The following WIPF3 variants were observed in gnomAD, a reference collection of about 807,000 sequenced individuals.
The protein encoded by WIPF3 is WAS/WASL interacting protein family member 3, also known as WAS/WASL-interacting protein family member 3.
In WIPF3, 33 loss-of-function variants were observed where a neutral mutation model predicts 38.9. The observed-to-expected ratio is 0.85, with a 90% CI of 0.64 to 1.14. The LOEUF (loss-of-function observed/expected upper bound fraction) is 1.14. Among genes scored for constraint, WIPF3 ranks in the 50% most tolerant of loss-of-function variants. WIPF3 has a pLI of 0.00. For missense variants in WIPF3, 711 were observed against 652.5 expected (o/e 1.09, Z -0.98); for synonymous variants, 324 against 269.3 (o/e 1.20, Z -1.99).
intron 5 of WIPF3, among the ~76,000 whole-genome samples, chr7:29,887,141 A>G (rs939679815): frequency 2.0e-5 from 3 of 152,208 alleles, no homozygotes; most frequent in Non-Finnish European, 4.4e-5. Flanking sequence ...AGTGAGCCCA[A>G]GGCCAGGATG....
At chr7:29,848,855 C>A (rs1004576013) in intron 2 of WIPF3, among the ~76,000 whole-genome samples, 1 of 151,816 alleles carries the variant, frequency 6.6e-6, no homozygotes, top group African/African-American at 2.4e-5. Context: ...GATGATGATG[C>A]CTGGAGGCTC....
chr7:29,817,837 T>A (rs1325634764), intron 1 of WIPF3, among the ~76,000 whole-genome samples: 1 of 152,150 alleles, frequency 6.6e-6, no homozygotes, highest in Non-Finnish European at 1.5e-5. Flanking sequence ...AGCAAACAAG[T>A]TAGTATTTTC....
intron 8 of WIPF3, among the ~76,000 whole-genome samples, chr7:29,906,498 GA>G (rs1430163909): frequency 5.3e-5 from 8 of 151,698 alleles, no homozygotes; most frequent in South Asian, 2.1e-4. Flanking sequence ...AGAACAGAAA[GA>G]AAAAAAATTA....
rs531512349 is a variant in WIPF3, at chr7:29,824,551, A to T, written c.-57-10117A>T. Among the ~76,000 whole-genome samples, 879 of 121,772 alleles carry T rather than the reference A, an allele frequency of 7.2e-3. 8 individuals are homozygous for T. The highest frequency in any genetic ancestry group is 0.019 in the African/African-American group (562 of 29,932). 79.9% of individuals were successfully genotyped at this position (121,772 alleles called of 152,430 possible). A position where few individuals can be genotyped will look rare whatever the true frequency, so the allele number is the denominator to read the frequency against. On this transcript the variant is annotated intron_variant, in intron 1 of 8. Transcript: ENST00000242140. Reference sequence around the variant, plus strand: ...TGGGCAGACTTAGAGATGTATTTTTAAAAAAAAAAAAAAGAAAAAAAAGGA... The same window carrying T: ...TGGGCAGACTTAGAGATGTATTTTTTAAAAAAAAAAAAAGAAAAAAAAGGA...
chr7:29,913,153 C>A (rs1391951830), intron 8 of WIPF3, among the ~76,000 whole-genome samples: 4 of 152,092 alleles, frequency 2.6e-5, no homozygotes, highest in Non-Finnish European at 2.9e-5. Context: ...TCGAGACCAG[C>A]CTGACCAACA....
chr7:29,914,411 G>GT (rs1223499766), intron 8 of WIPF3, 82 bp from the exon 9 acceptor site: 5 of 1,198,124 alleles, frequency 4.2e-6, no homozygotes, highest in South Asian at 2.0e-5. Context: ...GGCCCAGCCT[G>GT]TTTGGGGGGG....
chr7:29,915,571 C>G lies in WIPF3; in HGVS notation c.*1055C>G, dbSNP rs1385557198. ...AGCTCCCTTCTGAGCTAAAGGAGAA[C>G]CTTGCCTGACAACTCCACATTCATT... On this transcript the variant is annotated 3_prime_UTR_variant, in exon 9 of 9. Transcript: ENST00000242140. 6.6e-6 allele frequency: 1 copy of G among 152,222 alleles called. No individual in the cohort carries two copies. Among genetic ancestry groups the G allele is most frequent in the East Asian group, 1.9e-4 (1 of 5,190 alleles). 9.4% of individuals were successfully genotyped at this position (152,222 alleles called of 1,614,324 possible). A position where few individuals can be genotyped will look rare whatever the true frequency, so the allele number is the denominator to read the frequency against.
intron 2 of WIPF3, among the ~76,000 whole-genome samples, chr7:29,867,500 TTTA>T (rs1287309343): frequency 2.0e-5 from 3 of 152,020 alleles, no homozygotes; most frequent in African/African-American, 7.2e-5. Flanking sequence ...CTAGGTATTA[TTTA>T]TTAGTTATTC....
At chr7:29,908,785 G>A (rs772953489) in intron 8 of WIPF3, among the ~76,000 whole-genome samples, 39 of 152,050 alleles carry the variant, frequency 2.6e-4, no homozygotes, top group Non-Finnish European at 3.5e-4. Flanking sequence ...GTGGGCACGT[G>A]TAGTCCCAGC....
At chr7:29,889,803 G>A (rs1052226029) in intron 7 of WIPF3, among the ~76,000 whole-genome samples, 2 of 152,162 alleles carry the variant, frequency 1.3e-5, no homozygotes, top group African/African-American at 2.4e-5. Context: ...GTGACATGGA[G>A]AATGTCCTCA....
At chr7:29,820,935 G>T (rs1784528323) in intron 1 of WIPF3, among the ~76,000 whole-genome samples, 1 of 152,092 alleles carries the variant, frequency 6.6e-6, no homozygotes, top group East Asian at 1.9e-4. Context: ...TTTCCATTTT[G>T]CCATGATTAA....
At chr7:29,870,263 A>G (rs1475312982) in intron 2 of WIPF3, among the ~76,000 whole-genome samples, 1 of 152,200 alleles carries the variant, frequency 6.6e-6, no homozygotes, top group East Asian at 1.9e-4. Context: ...CTCAGGATTC[A>G]ATTCAAATGG....
chr7:29,911,672 T>C (rs570875498), intron 8 of WIPF3, among the ~76,000 whole-genome samples: 14 of 152,206 alleles, frequency 9.2e-5, no homozygotes, highest in African/African-American at 2.6e-4. Flanking sequence ...GCCAAGACCA[T>C]TCAATAGGGA....
chr7:29,838,067 C>T (rs1003729854), intron 2 of WIPF3, among the ~76,000 whole-genome samples: 22 of 152,202 alleles, frequency 1.4e-4, no homozygotes, highest in East Asian at 1.2e-3. Flanking sequence ...TACAGGTGCC[C>T]GCCACCACGC....
intron 1 of WIPF3, among the ~76,000 whole-genome samples, chr7:29,833,690 T>C (rs1197337814): frequency 2.0e-5 from 3 of 152,150 alleles, no homozygotes; most frequent in East Asian, 1.9e-4. Context: ...TGAAAAAACA[T>C]AGGGACAGGC....
intron 7 of WIPF3, among the ~76,000 whole-genome samples, chr7:29,901,564 G>A (rs1786276704): frequency 6.6e-6 from 1 of 151,736 alleles, no homozygotes; most frequent in African/African-American, 2.4e-5. Flanking sequence ...GCTGAGGTGG[G>A]CGGATCGCTT....
rs1235366947 is a variant in WIPF3 at position 29,889,371 on chromosome 7, C to A, written c.1315C>A (p.Pro439Thr). ...CTTTCCCCCTCCGGATGAATATAAA[C>A]CATGCCAGAAGATTTACCCCAGCAA... ...EDFPPPDEYK[P>T]CQKIYPSKIP... The change falls in exon 7 of 9, where the codon CCA (proline) becomes ACA (threonine). Residue 439 changes from proline to threonine, a missense_variant. By Grantham distance (38) the Pro-to-Thr change is conservative (BLOSUM62 -1). Coordinates refer to ENST00000242140, the MANE Select transcript of WIPF3 (RefSeq NM_001080529.3). 1 of 1,613,900 alleles carries A rather than the reference C, an allele frequency of 6.2e-7. No individual in the cohort carries two copies. The highest frequency in any genetic ancestry group is 8.5e-7 in the Non-Finnish European group (1 of 1,179,824).
intron 7 of WIPF3, among the ~76,000 whole-genome samples, chr7:29,893,918 A>T (rs1255460145): frequency 2.6e-5 from 4 of 152,248 alleles, no homozygotes. Flanking sequence ...GTAAAGGACC[A>T]GAGAATACAT....
intron 8 of WIPF3, among the ~76,000 whole-genome samples, chr7:29,908,487 TA>T (rs1237242860): frequency 6.6e-6 from 1 of 152,158 alleles, no homozygotes; most frequent in Non-Finnish European, 1.5e-5. Context: ...AAAAGCTGTA[TA>T]TAACAGACAT....
Sources: gnomAD v4.1 joint callset for allele counts (sites outside exome capture counted in the v4.1 genomes callset) on GRCh38, gnomAD v4.1.1 for gene constraint, MANE v1.5 for transcripts, NCBI Gene and HGNC (gene_info 2026-07-23, HGNC 2026-07-21) for gene names.